CD36: variants seen among roughly 807,000 people sequenced by gnomAD.
CD36 encodes CD36 molecule (CD36 blood group).
In CD36, 119 loss-of-function variants were observed where a neutral mutation model predicts 55.2. The ratio of observed to expected loss-of-function variants is 2.15; its 90% CI spans 1.86 to 2.51. The LOEUF is 2.51. CD36 is among the 30% of genes most tolerant of loss of function. The probability of loss-of-function intolerance (pLI) is 0.00; values close to 1 mark genes in which losing one functional copy is unlikely to be tolerated. For missense variants in CD36, 819 were observed against 555.5 expected (o/e 1.47, Z -4.77); for synonymous variants, 186 against 193.6 (o/e 0.96, Z 0.33).
chr7:80,659,175 C>G (rs563464200), intron 4 of CD36, among the ~76,000 whole-genome samples: 44 of 152,234 alleles, frequency 2.9e-4, no homozygotes, highest in Middle Eastern at 3.4e-3. Flanking sequence ...AAAATTAACA[C>G]TTTGATAGTG....
chr7:80,675,469 G>C (rs1584479660), intron 14 of CD36, among the ~76,000 whole-genome samples: 1 of 151,686 alleles, frequency 6.6e-6, no homozygotes, highest in South Asian at 2.1e-4. Flanking sequence ...AATGATCCTT[G>C]GATGTCAGAT....
At chr7:80,671,231 T>C (rs1389264851) in intron 10 of CD36, 67 bp downstream of exon 10, 2 of 1,095,610 alleles carry the variant, frequency 1.8e-6, no homozygotes, top group African/African-American at 3.1e-5. Context: ...ATGAGAACTT[T>C]ACCATAATCC....
chr7:80,655,046 A>G (rs1795945620), intron 3 of CD36, among the ~76,000 whole-genome samples: 1 of 152,170 alleles, frequency 6.6e-6, no homozygotes, highest in South Asian at 2.1e-4. Context: ...AAATGTGATC[A>G]TGTTCAATGT....
intron 1 of CD36, among the ~76,000 whole-genome samples, chr7:80,612,147 C>A (rs912220070): frequency 6.6e-6 from 1 of 152,184 alleles, no homozygotes; most frequent in Non-Finnish European, 1.5e-5. Flanking sequence ...ATTAAACGTG[C>A]ACACCTGAAA....
intron 1 of CD36, among the ~76,000 whole-genome samples, chr7:80,629,518 A>C (rs1793948407): frequency 6.6e-6 from 1 of 152,026 alleles, no homozygotes; most frequent in Admixed American, 6.6e-5. Flanking sequence ...AAACTTTCGA[A>C]TCTTTCCCTC....
intron 8 of CD36, among the ~76,000 whole-genome samples, chr7:80,666,771 T>TA (rs375408200): frequency 1.5e-3 from 221 of 152,178 alleles, no homozygotes; most frequent in African/African-American, 5.1e-3. Context: ...AAGTAAATGG[T>TA]AAAAAACAAA....
intron 5 of CD36, chr7:80,662,609 A>C (rs769529471): frequency 1.1e-4 from 23 of 218,426 alleles, no homozygotes; most frequent in Non-Finnish European, 1.5e-4. Flanking sequence ...AAGTTCTGGG[A>C]TACATGTGCT....
At chr7:80,615,162 G>C (rs1220639657) in intron 1 of CD36, among the ~76,000 whole-genome samples, 4 of 152,166 alleles carry the variant, frequency 2.6e-5, no homozygotes, top group African/African-American at 7.2e-5. Flanking sequence ...ACAAGTTTTA[G>C]TTCAGGGCCT....
At chr7:80,621,846 C>A (rs1793487532) in intron 1 of CD36, among the ~76,000 whole-genome samples, 1 of 152,122 alleles carries the variant, frequency 6.6e-6, no homozygotes, top group African/African-American at 2.4e-5. Context: ...CCACTGAAAT[C>A]CCACCTCTAG....
intron 1 of CD36, among the ~76,000 whole-genome samples, chr7:80,631,146 A>G (rs1194066113): frequency 1.3e-5 from 2 of 152,008 alleles, no homozygotes; most frequent in African/African-American, 4.8e-5. Context: ...GTAGCAATTA[A>G]GATTCCATAC....
In CD36 at chr7:80,620,851, C is replaced by T. The variant is rs150383287; in HGVS notation, c.-184+18472C>T. ...AAAACCAATATATATCATAACACCACACGTGACAACAAAGAATTTATAATA... is the reference window on the plus strand; with the variant it reads ...AAAACCAATATATATCATAACACCATACGTGACAACAAAGAATTTATAATA... On this transcript the variant is annotated intron_variant, in intron 1 of 13. Transcript: ENST00000309881. Among the ~76,000 whole-genome samples the T allele has an allele frequency of 7.9e-5, 12 of 152,318 alleles. No homozygotes were observed. In the East Asian group the frequency reaches 2.3e-3, roughly 29 times the overall value.
At chr7:80,640,721 A>C (rs140366598) in intron 1 of CD36, among the ~76,000 whole-genome samples, 39 of 152,200 alleles carry the variant, frequency 2.6e-4, no homozygotes, top group African/African-American at 7.5e-4. Flanking sequence ...AATAATTTCA[A>C]ACCTACAGTA....
intron 1 of CD36, among the ~76,000 whole-genome samples, chr7:80,611,318 T>A (rs974082463): frequency 6.6e-6 from 1 of 152,140 alleles, no homozygotes; most frequent in Non-Finnish European, 1.5e-5. Context: ...GGCCCTAACC[T>A]CAAAATCGTC....
At chr7:80,636,532 C>CAA (rs5885186), upstream of CD36, among the ~76,000 whole-genome samples, 907 of 124,342 alleles carry the variant, frequency 7.3e-3, 14 homozygotes, top group East Asian at 0.049. Flanking sequence ...TGATCTCTTG[C>CAA]AAAAAAAAAA....
intron 13 of CD36, 63 bp downstream of exon 13, chr7:80,673,472 T>C (rs112104034): frequency 7.5e-6 from 7 of 931,104 alleles, no homozygotes; most frequent in African/African-American, 1.6e-5. Context: ...AAGCTCTTGA[T>C]GTTTCAAAAG....
chr7:80,655,704 C>G (rs1795995642), intron 3 of CD36, among the ~76,000 whole-genome samples: 1 of 152,040 alleles, frequency 6.6e-6, no homozygotes, highest in Admixed American at 6.6e-5. Flanking sequence ...GTAATTCCAG[C>G]CTTTTGGGAG....
intron 3 of CD36, among the ~76,000 whole-genome samples, chr7:80,655,371 C>A (rs971046579): frequency 3.3e-5 from 5 of 152,164 alleles, no homozygotes; most frequent in African/African-American, 9.7e-5. Flanking sequence ...CCTTATTTTA[C>A]AGCTAATGAA....
rs1002514342 is a variant in CD36, at chr7:80,677,791, G to A, written c.*1408G>A. Reference sequence around the variant, plus strand: ...TAGAAACTTCTAAAGATAATTGGATGAGAATATACATATTGACCTGTATAT... The same window carrying A: ...TAGAAACTTCTAAAGATAATTGGATAAGAATATACATATTGACCTGTATAT... On this transcript the variant is annotated 3_prime_UTR_variant, in exon 15 of 15. Coordinates refer to ENST00000447544, the MANE Select transcript of CD36 (RefSeq NM_001001548.3). The A allele has an allele frequency of 1.3e-5, 2 of 152,156 alleles. No individual in the cohort carries two copies. The highest frequency in any genetic ancestry group is 1.3e-4 in the Admixed American group (2 of 15,276). The allele number at this position is 152,156 out of a possible 1,614,324, so 9.4% of individuals were successfully genotyped here. A position where few individuals can be genotyped will look rare whatever the true frequency, so the allele number is the denominator to read the frequency against.
At chr7:80,616,768 C>T (rs933570296) in intron 1 of CD36, among the ~76,000 whole-genome samples, 2 of 152,150 alleles carry the variant, frequency 1.3e-5, no homozygotes, top group East Asian at 3.9e-4. Flanking sequence ...TCATAGGGCT[C>T]TAGGTTGGTT....
Sources: gnomAD v4.1 joint callset for allele counts (sites outside exome capture counted in the v4.1 genomes callset) on GRCh38, gnomAD v4.1.1 for gene constraint, MANE v1.5 for transcripts, NCBI Gene and HGNC (gene_info 2026-07-23, HGNC 2026-07-21) for gene names.